Variants in CA10 observed in about 807,000 individuals in gnomAD.
The protein encoded by CA10 is carbonic anhydrase 10 (inactive), also known as carbonic anhydrase-related protein 10.
CA10 carries 14 observed loss-of-function variants against 44.2 expected under a neutral mutation model. The ratio of observed to expected loss-of-function variants is 0.32; its 90% CI spans 0.21 to 0.50. The LOEUF (loss-of-function observed/expected upper bound fraction) is 0.50, where lower values mean the gene tolerates loss of function less well. CA10 is among the 20% of genes least tolerant of loss of function. The pLI, the probability that CA10 is intolerant of heterozygous loss-of-function variation, is 0.99. For missense variants in CA10, 350 were observed against 409.7 expected (o/e 0.85, Z 1.26); for synonymous variants, 159 against 141.6 (o/e 1.12, Z -0.87).
intron 4 of CA10, among the ~76,000 whole-genome samples, chr17:51,685,156 G>A (rs1567802579): frequency 6.6e-6 from 1 of 152,168 alleles, no homozygotes; most frequent in Non-Finnish European, 1.5e-5. Context: ...AGGGATGGTT[G>A]AAAAATACAC....
chr17:51,978,621 G>A (rs1303630943), intron 2 of CA10, among the ~76,000 whole-genome samples: 1 of 151,880 alleles, frequency 6.6e-6, no homozygotes, highest in Non-Finnish European at 1.5e-5. Flanking sequence ...TGGTCTTAAG[G>A]TAGGCAATAA....
intron 3 of CA10, among the ~76,000 whole-genome samples, chr17:51,905,544 T>TTTTTTG (rs1981511834): frequency 6.7e-6 from 1 of 149,612 alleles, no homozygotes; most frequent in Non-Finnish European, 1.5e-5. Flanking sequence ...TTTTTTTTTT[T>TTTTTTG]TTTTTTTACA....
At chr17:51,757,367 A>C (rs907348650) in intron 3 of CA10, among the ~76,000 whole-genome samples, 2 of 152,222 alleles carry the variant, frequency 1.3e-5, no homozygotes, top group Non-Finnish European at 2.9e-5. Flanking sequence ...TTAGGGGCGT[A>C]TGGATTCTAA....
chr17:51,935,227 T>G (rs762042953), intron 2 of CA10, among the ~76,000 whole-genome samples: 12 of 152,152 alleles, frequency 7.9e-5, no homozygotes, highest in Non-Finnish European at 1.5e-4. Context: ...ATTTCCAAGG[T>G]AAGAGAAATA....
At chr17:51,877,883 A>G (rs903016517) in intron 3 of CA10, among the ~76,000 whole-genome samples, 2 of 152,040 alleles carry the variant, frequency 1.3e-5, no homozygotes, top group Admixed American at 1.3e-4. Context: ...GGTGACTCAC[A>G]CCTGTAATCC....
intron 2 of CA10, among the ~76,000 whole-genome samples, chr17:51,984,750 A>G: frequency 6.6e-6 from 1 of 152,026 alleles, no homozygotes; most frequent in Non-Finnish European, 1.5e-5. Flanking sequence ...CACATAAACT[A>G]GAAAACCTAG....
chr17:51,938,965 G>A (rs1487260757), intron 2 of CA10, among the ~76,000 whole-genome samples: 1 of 152,020 alleles, frequency 6.6e-6, no homozygotes, highest in Non-Finnish European at 1.5e-5. Context: ...ACCAAAGGAA[G>A]TAATGTATGT....
Position 51,969,309 on chromosome 17 carries a change from T to C in CA10, c.137-38177A>G, listed in dbSNP as rs546629101. Among the ~76,000 whole-genome samples, 11 of 152,094 alleles carry C rather than the reference T, an allele frequency of 7.2e-5. No homozygotes were observed. In the East Asian group the frequency reaches 2.1e-3, roughly 29 times the overall value. Reference sequence around the variant, plus strand: ...TGCCACCACATTCCAGGTAAAATAATGGTTCCTATTTTACAGACGAGAAAA... The same window carrying C: ...TGCCACCACATTCCAGGTAAAATAACGGTTCCTATTTTACAGACGAGAAAA... On this transcript the variant is annotated intron_variant, in intron 2 of 8. Coordinates refer to ENST00000451037, the MANE Select transcript of CA10 (RefSeq NM_020178.5).
intron 3 of CA10, among the ~76,000 whole-genome samples, chr17:51,885,401 T>C (rs551014176): frequency 6.6e-6 from 1 of 152,304 alleles, no homozygotes; most frequent in African/African-American, 2.4e-5. Context: ...TATCTCCTGT[T>C]TCTACTAAGG....
chr17:51,845,764 G>T (rs145837566), intron 3 of CA10, among the ~76,000 whole-genome samples: 1 of 152,084 alleles, frequency 6.6e-6, no homozygotes, highest in Non-Finnish European at 1.5e-5. Flanking sequence ...TGCACAGAAC[G>T]CTCTGTCATA....
intron 1 of CA10, among the ~76,000 whole-genome samples, chr17:52,106,593 A>C (rs1341860220): frequency 1.3e-5 from 2 of 152,200 alleles, no homozygotes; most frequent in Non-Finnish European, 2.9e-5. Flanking sequence ...CAATGATGGA[A>C]TAGCAAGCTG....
intron 3 of CA10, among the ~76,000 whole-genome samples, chr17:51,827,341 C>CACACACACACACAT (rs947007283): frequency 6.6e-6 from 1 of 150,910 alleles, no homozygotes; most frequent in African/African-American, 2.4e-5. Context: ...CGCACACACA[C>CACACACACACACAT]ACACACACAC....
intron 4 of CA10, among the ~76,000 whole-genome samples, chr17:51,688,058 G>A (rs564959579): frequency 2.0e-5 from 3 of 152,132 alleles, no homozygotes; most frequent in Non-Finnish European, 2.9e-5. Context: ...ACCTGCTTTG[G>A]GGGGAGATGG....
chr17:51,763,939 C>T (rs1214622781), intron 3 of CA10, among the ~76,000 whole-genome samples: 2 of 151,846 alleles, frequency 1.3e-5, no homozygotes, highest in East Asian at 3.9e-4. Context: ...CCAGACATGG[C>T]CCAACTTAAG....
chr17:51,655,106 T>C (rs542512841), intron 4 of CA10, among the ~76,000 whole-genome samples: 95 of 152,318 alleles, frequency 6.2e-4, no homozygotes, highest in Middle Eastern at 3.4e-3. Context: ...ATTCTGAACT[T>C]GATTTTTTAA....
chr17:51,780,962 A>G (rs1906034200), intron 3 of CA10, among the ~76,000 whole-genome samples: 2 of 152,300 alleles, frequency 1.3e-5, no homozygotes, highest in African/African-American at 4.8e-5. Context: ...TAATAAAACT[A>G]TTTACAAAAG....
chr17:51,809,588 G>A (rs560203864), intron 3 of CA10, among the ~76,000 whole-genome samples: 91 of 152,278 alleles, frequency 6.0e-4, no homozygotes, highest in African/African-American at 2.2e-3. Flanking sequence ...TCCTGGTATC[G>A]AGGACCATCA....
chr17:52,143,263 T>C (rs959834009), intron 1 of CA10, among the ~76,000 whole-genome samples: 14 of 152,150 alleles, frequency 9.2e-5, no homozygotes, highest in Admixed American at 1.3e-4. Flanking sequence ...GTTGCTTTAA[T>C]GAACACAAAC....
At chr17:52,021,082 A>G (rs1346675230) in intron 2 of CA10, among the ~76,000 whole-genome samples, 3 of 151,966 alleles carry the variant, frequency 2.0e-5, no homozygotes, top group Non-Finnish European at 4.4e-5. Flanking sequence ...ATTCCATATA[A>G]CAAACCTACT....
Sources: allele counts gnomAD v4.1 joint callset (sites outside exome capture counted in the v4.1 genomes callset), GRCh38; gene constraint gnomAD v4.1.1; transcripts MANE v1.5; gene names NCBI Gene and HGNC (gene_info 2026-07-23, HGNC 2026-07-21).